The following DNAH12 variants were observed in gnomAD, a reference collection of about 807,000 sequenced individuals.
The protein encoded by DNAH12 is axonemal beta dynein heavy chain 12.
DNAH12 carries 285 observed loss-of-function variants against 371.5 expected under a neutral mutation model. That is an observed-to-expected ratio of 0.77 (90% CI 0.70 to 0.85). The LOEUF is 0.85. Among genes scored for constraint, DNAH12 ranks in the 40% least tolerant of loss-of-function variants. The pLI is 0.00. For synonymous variants in DNAH12, 1,200 were observed against 1,213.0 expected, an observed-to-expected ratio of 0.99 and a Z score of 0.22; for missense variants, 3,611 against 3,689.4, an observed-to-expected ratio of 0.98 and a Z score of 0.55.
rs71088068 is a variant in DNAH12, at chr3:57,424,470, C to CAAAAAA, written c.5373+546_5373+551dup. Among the ~76,000 whole-genome samples, 164 of 118,322 alleles carry CAAAAAA rather than the reference C, an allele frequency of 1.4e-3. 1 individual carries two copies. Among genetic ancestry groups the CAAAAAA allele is most frequent in the Middle Eastern group, 5.9e-3 (1 of 170 alleles). 77.6% of individuals were successfully genotyped at this position (118,322 alleles called of 152,430 possible). ...TGGGCAACAGGGCAAGATTCCATCT[C>CAAAAAA]AAAAAAAAAAAAAAAATTGGATAGT... is the stretch of plus-strand genomic sequence containing the variant. On this transcript the variant is annotated intron_variant, in intron 35 of 73. Transcript: ENST00000495027.
At chr3:57,507,892 A>C (rs892709543) in intron 7 of DNAH12, 54 bp from the exon 8 acceptor site, 1 of 1,474,130 alleles carries the variant, frequency 6.8e-7, no homozygotes, top group African/African-American at 1.4e-5. Context: ...TATTGGTCTT[A>C]AAACACAATT....
chr3:57,326,582 C>G (rs532702068), intron 62 of DNAH12, among the ~76,000 whole-genome samples: 261 of 152,244 alleles, frequency 1.7e-3, no homozygotes, highest in Non-Finnish European at 2.3e-3. Context: ...AAAGGAACAA[C>G]CAGTACCAGC....
intron 11 of DNAH12, among the ~76,000 whole-genome samples, chr3:57,497,190 A>G (rs1185357920): frequency 1.3e-5 from 2 of 152,236 alleles, no homozygotes; most frequent in Non-Finnish European, 2.9e-5. Flanking sequence ...CAGAGATTCA[A>G]TGGAATCCTA....
intron 65 of DNAH12, among the ~76,000 whole-genome samples, chr3:57,315,355 T>C (rs2061664081): frequency 6.6e-6 from 1 of 151,370 alleles, no homozygotes; most frequent in Admixed American, 6.6e-5. Flanking sequence ...AAGTACACTA[T>C]GCTTTACTGA....
intron 56 of DNAH12, among the ~76,000 whole-genome samples, chr3:57,367,293 C>A (rs1206375559): frequency 6.6e-6 from 1 of 151,758 alleles, no homozygotes; most frequent in Non-Finnish European, 1.5e-5. Context: ...CCACTACACT[C>A]CAGCCTGAGC....
At chr3:57,529,862 G>C (rs2068780409) in intron 2 of DNAH12, among the ~76,000 whole-genome samples, 1 of 151,954 alleles carries the variant, frequency 6.6e-6, no homozygotes, top group Non-Finnish European at 1.5e-5. Flanking sequence ...TGTTGATGTA[G>C]ACACTTATAG....
intron 39 of DNAH12, among the ~76,000 whole-genome samples, chr3:57,413,424 A>G (rs1553683605): frequency 6.6e-6 from 1 of 152,158 alleles, no homozygotes; most frequent in Non-Finnish European, 1.5e-5. Flanking sequence ...AGCAAACCCT[A>G]AAGTAAACTA....
chr3:57,371,809 A>G (rs1575514858), intron 55 of DNAH12, among the ~76,000 whole-genome samples: 2 of 151,920 alleles, frequency 1.3e-5, no homozygotes, highest in East Asian at 3.9e-4. Flanking sequence ...CTAAAGTAAG[A>G]CTTAGAGTAG....
rs1553680629 is a variant in DNAH12 at position 57,405,110 on chromosome 3, T to A, written c.6614A>T (p.Asp2205Val). The change falls in exon 42 of 74, where the codon GAT becomes GTT. Residue 2205 changes from aspartate to valine, a missense_variant. This residue lies in a region of DNAH12 where 2,266 missense variants were observed against 2,236.9 expected (regional missense o/e 1.01). Transcript: ENST00000495027. ...TCCTTCAAGGTCAGGATTCATATAA[T>A]CACCAAACATGAGATTTCTTAAGTC... ...EEDLRNLMFGDYMNPDLEGDD... is the reference protein window; with the variant it reads ...EEDLRNLMFGVYMNPDLEGDD... 1.3e-6 allele frequency: 2 copies of A among 1,539,556 alleles called. No homozygotes were observed. The highest frequency in any genetic ancestry group is 4.1e-5 in the Admixed American group (2 of 48,232).
intron 29 of DNAH12, among the ~76,000 whole-genome samples, chr3:57,443,956 C>T (rs1285761906): frequency 1.3e-5 from 2 of 152,148 alleles, no homozygotes; most frequent in Admixed American, 6.5e-5. Context: ...GTGATCCCAG[C>T]ACTTTGGGAG....
chr3:57,449,718 C>T (rs528716608), intron 25 of DNAH12, among the ~76,000 whole-genome samples: 9 of 152,302 alleles, frequency 5.9e-5, no homozygotes, highest in Non-Finnish European at 2.9e-5. Context: ...GGTTCCCGCT[C>T]GCGCCTCTCC....
intron 66 of DNAH12, among the ~76,000 whole-genome samples, chr3:57,311,479 C>T (rs2061583572): frequency 6.6e-6 from 1 of 152,210 alleles, no homozygotes; most frequent in South Asian, 2.1e-4. Context: ...AAAAAGACGA[C>T]ATGGAAATTA....
chr3:57,504,302 G>T, intron 8 of DNAH12, 98 bp from the exon 9 acceptor site: 1 of 1,081,626 alleles, frequency 9.2e-7, no homozygotes, highest in Non-Finnish European at 1.3e-6. Flanking sequence ...GATTATAATT[G>T]TCTATAATTA....
chr3:57,527,131 T>G (rs1332545355), intron 2 of DNAH12, among the ~76,000 whole-genome samples: 1 of 152,232 alleles, frequency 6.6e-6, no homozygotes, highest in African/African-American at 2.4e-5. Context: ...TTTAGATCTT[T>G]TGCCTATTTT....
intron 37 of DNAH12, among the ~76,000 whole-genome samples, chr3:57,418,583 T>G (rs1418850460): frequency 1.3e-5 from 2 of 151,116 alleles, no homozygotes; most frequent in Admixed American, 1.3e-4. Context: ...TGTCACAGAA[T>G]TGGCAATTGT....
intron 35 of DNAH12, among the ~76,000 whole-genome samples, chr3:57,424,818 G>T (rs2064711415): frequency 6.6e-6 from 1 of 151,246 alleles, no homozygotes; most frequent in South Asian, 2.1e-4. Context: ...GATAGTTTTG[G>T]TTCCTTGTGA....
At chr3:57,328,239 C>A (rs1348538581) in intron 62 of DNAH12, among the ~76,000 whole-genome samples, 1 of 151,406 alleles carries the variant, frequency 6.6e-6, no homozygotes, top group African/African-American at 2.4e-5. Context: ...GATACCAAAG[C>A]CTGGCAGAGA....
chr3:57,489,421 T>C, intron 12 of DNAH12, 88 bp downstream of exon 12: 1 of 1,330,236 alleles, frequency 7.5e-7, no homozygotes, highest in South Asian at 1.8e-5. Context: ...CTTACATATT[T>C]TAAGCTTTTG....
At chr3:57,324,745 G>A (rs1444782969) in intron 62 of DNAH12, among the ~76,000 whole-genome samples, 1 of 152,238 alleles carries the variant, frequency 6.6e-6, no homozygotes, top group Non-Finnish European at 1.5e-5. Context: ...AGCGCACCAT[G>A]CACAAGCCGA....
Sources: allele counts gnomAD v4.1 joint callset (sites outside exome capture counted in the v4.1 genomes callset), GRCh38; gene constraint gnomAD v4.1.1; regional missense constraint gnomAD v4.1.1; transcripts MANE v1.5; gene names NCBI Gene and HGNC (gene_info 2026-07-23, HGNC 2026-07-21).